Variants in ESRRG observed in about 807,000 individuals in gnomAD.
The protein encoded by ESRRG is estrogen-related receptor gamma.
In ESRRG, 13 loss-of-function variants were observed where a neutral mutation model predicts 44.0. The observed-to-expected ratio is 0.30, with a 90% CI of 0.19 to 0.47. ESRRG has a LOEUF of 0.47. Among genes scored for constraint, ESRRG ranks in the 20% least tolerant of loss-of-function variants. The pLI is 1.00. For synonymous variants in ESRRG, 215 were observed against 214.6 expected, an observed-to-expected ratio of 1.00 and a Z score of -0.02; for missense variants, 395 against 580.6, an observed-to-expected ratio of 0.68 and a Z score of 3.29.
At chr1:216,965,531 C>T (rs996911580) in intron 1 of ESRRG, among the ~76,000 whole-genome samples, 3 of 152,066 alleles carry the variant, frequency 2.0e-5, no homozygotes, top group Non-Finnish European at 4.4e-5. Flanking sequence ...ATGGTATGGC[C>T]GAGGGGACAT....
At chr1:216,896,894 T>C (rs2058490588) in intron 2 of ESRRG, among the ~76,000 whole-genome samples, 1 of 152,206 alleles carries the variant, frequency 6.6e-6, no homozygotes, top group African/African-American at 2.4e-5. Context: ...AGCAGCGTAT[T>C]TCCTGGAATA....
Position 216,575,230 on chromosome 1 carries a change from T to C in ESRRG, c.590-7132A>G, listed in dbSNP as rs115734948. Among the ~76,000 whole-genome samples the C allele has an allele frequency of 5.7e-3, 866 of 152,262 alleles. 7 individuals are homozygous for C. The highest frequency in any genetic ancestry group is 0.016 in the African/African-American group (657 of 41,566). ...TCACACGTATACTCCAAGGAGGATCTAAGCATATTAAATTCTTGAGGATCA... is the reference window on the plus strand; with the variant it reads ...TCACACGTATACTCCAAGGAGGATCCAAGCATATTAAATTCTTGAGGATCA... On this transcript the variant is annotated intron_variant, in intron 3 of 6. Coordinates refer to ENST00000408911, the MANE Select transcript of ESRRG (RefSeq NM_001438.4).
intron 2 of ESRRG, among the ~76,000 whole-genome samples, chr1:216,829,549 G>GTTTTTTTTTTTTTTTTTTTTTT (rs66515526): frequency 7.4e-6 from 1 of 135,634 alleles, no homozygotes; most frequent in Non-Finnish European, 1.6e-5. Flanking sequence ...AAATGCCACA[G>GTTTTTTTTTTTTTTTTTTTTTT]TTTTTTTTTT....
chr1:216,877,142 CTCA>C (rs1018363297), intron 2 of ESRRG, among the ~76,000 whole-genome samples: 19 of 152,126 alleles, frequency 1.2e-4, no homozygotes, highest in Non-Finnish European at 2.5e-4. Context: ...CCCAATTGTA[CTCA>C]TCATGTTTCA....
intron 2 of ESRRG, among the ~76,000 whole-genome samples, chr1:216,853,474 AT>A (rs2095871048): frequency 6.6e-6 from 1 of 152,118 alleles, no homozygotes; most frequent in African/African-American, 2.4e-5. Flanking sequence ...CTATTTAGCA[AT>A]TATACTCAGT....
At chr1:216,606,650 ATAATAT>A (rs1423775585) in intron 3 of ESRRG, among the ~76,000 whole-genome samples, 2 of 152,276 alleles carry the variant, frequency 1.3e-5, no homozygotes, top group Middle Eastern at 3.4e-3. Context: ...AGAAGATTCC[ATAATAT>A]TAATATTAAT....
chr1:216,909,708 T>C (rs1035486716), intron 2 of ESRRG, among the ~76,000 whole-genome samples: 14 of 152,172 alleles, frequency 9.2e-5, no homozygotes, highest in Non-Finnish European at 4.4e-5. Flanking sequence ...TATCTGTGAC[T>C]TCCTAGACCA....
chr1:216,628,653 C>A (rs1306684187), intron 3 of ESRRG, among the ~76,000 whole-genome samples: 1 of 152,160 alleles, frequency 6.6e-6, no homozygotes, highest in Non-Finnish European at 1.5e-5. Context: ...GCATACCCTA[C>A]CCTGATGCCA....
chr1:216,607,521 C>G (rs550465052), intron 3 of ESRRG, among the ~76,000 whole-genome samples: 2 of 152,126 alleles, frequency 1.3e-5, no homozygotes, highest in Non-Finnish European at 2.9e-5. Context: ...GCATCAACTC[C>G]GTGTGTGCAT....
At chr1:216,615,965 C>T (rs548831668) in intron 3 of ESRRG, among the ~76,000 whole-genome samples, 4 of 152,210 alleles carry the variant, frequency 2.6e-5, no homozygotes, top group South Asian at 4.2e-4. Context: ...GGATTACAGG[C>T]GTGAGCACCA....
At position 216,922,673 on chromosome 1, in the gene ESRRG, T is replaced by C. The variant is rs547753436; in HGVS notation, c.-14+16909A>G. Among the ~76,000 whole-genome samples, 4 of 152,318 alleles carry C rather than the reference T, an allele frequency of 2.6e-5. No individual in the cohort carries two copies. In the East Asian group the frequency reaches 7.7e-4, roughly 29 times the overall value. On this transcript the variant is annotated intron_variant, in intron 2 of 7. Coordinates refer to the ESRRG transcript ENST00000359162. Reference sequence around the variant, plus strand: ...AAGGAAGATGAGAGCAGAATGGCAATGAATTGGATTGGCTTTGGAAAAGGA... The same window carrying C: ...AAGGAAGATGAGAGCAGAATGGCAACGAATTGGATTGGCTTTGGAAAAGGA...
At chr1:217,051,362 A>G (rs2086009494) in intron 1 of ESRRG, among the ~76,000 whole-genome samples, 2 of 152,270 alleles carry the variant, frequency 1.3e-5, no homozygotes, top group Admixed American at 6.5e-5. Flanking sequence ...AACGCTTACA[A>G]TGACTGACTC....
At chr1:216,654,111 A>C (rs2069760170) in intron 2 of ESRRG, among the ~76,000 whole-genome samples, 1 of 148,392 alleles carries the variant, frequency 6.7e-6, no homozygotes, top group Admixed American at 6.7e-5. Context: ...CAACAGAGCA[A>C]GACTTCATCC....
At chr1:216,523,076 A>C (rs2046564128) in intron 5 of ESRRG, among the ~76,000 whole-genome samples, 1 of 152,162 alleles carries the variant, frequency 6.6e-6, no homozygotes, top group African/African-American at 2.4e-5. Context: ...GTGACAGGTT[A>C]TAGTTTTAAA....
intron 2 of ESRRG, among the ~76,000 whole-genome samples, chr1:216,870,684 A>G (rs562326126): frequency 4.6e-4 from 70 of 152,146 alleles, no homozygotes; most frequent in Middle Eastern, 3.4e-3. Context: ...AATTTCTTTA[A>G]CAGGTATTGG....
chr1:216,701,966 G>A (rs2081457552), intron 1 of ESRRG, among the ~76,000 whole-genome samples: 1 of 152,146 alleles, frequency 6.6e-6, no homozygotes, highest in African/African-American at 2.4e-5. Context: ...ATTTACTTTT[G>A]AAATATATAT....
chr1:216,533,157 T>C (rs1313545604), intron 5 of ESRRG, among the ~76,000 whole-genome samples: 1 of 152,110 alleles, frequency 6.6e-6, no homozygotes, highest in Non-Finnish European at 1.5e-5. Flanking sequence ...TCCATGTGTA[T>C]AAATACTAAA....
chr1:216,706,809 C>T (rs2082549061), intron 1 of ESRRG, among the ~76,000 whole-genome samples: 1 of 152,140 alleles, frequency 6.6e-6, no homozygotes, highest in African/African-American at 2.4e-5. Context: ...TAATTAAAAA[C>T]ATCTAAAAAT....
intron 1 of ESRRG, among the ~76,000 whole-genome samples, chr1:217,096,596 G>C (rs1166347): frequency 0.46 from 63,672 of 138,026 alleles, 14,657 homozygotes; most frequent in East Asian, 0.6. Flanking sequence ...TCGCCAAAGG[G>C]GTGGATTGAC....
Sources: gnomAD v4.1 joint callset for allele counts (sites outside exome capture counted in the v4.1 genomes callset) on GRCh38, gnomAD v4.1.1 for gene constraint, MANE v1.5 for transcripts, NCBI Gene and HGNC (gene_info 2026-07-23, HGNC 2026-07-21) for gene names.